Variants in TP53BP1 observed in about 807,000 individuals in gnomAD.
TP53BP1 encodes TP53-binding protein 1.
Under a neutral mutation model 200.8 loss-of-function variants are expected in TP53BP1, and 61 were observed. That is an observed-to-expected ratio of 0.30 (90% CI 0.25 to 0.38). The LOEUF is 0.38. Among genes scored for constraint, TP53BP1 ranks in the 10% least tolerant of loss-of-function variants. The pLI, the probability that TP53BP1 is intolerant of heterozygous loss-of-function variation, is 1.00. For missense variants in TP53BP1, 2,144 were observed against 2,371.9 expected (o/e 0.90, Z 2.00); for synonymous variants, 822 against 844.3 (o/e 0.97, Z 0.46).
chr15:43,477,569 G>GT (rs2078902485), intron 8 of TP53BP1, 24 bp downstream of exon 8: 1 of 1,586,650 alleles, frequency 6.3e-7, no homozygotes, highest in Non-Finnish European at 8.6e-7. Context: ...GAGAAGAGCT[G>GT]TAACGACAAA....
At chr15:43,480,836 A>T in intron 5 of TP53BP1, 59 bp downstream of exon 5, 1 of 1,588,512 alleles carries the variant, frequency 6.3e-7, no homozygotes, top group Non-Finnish European at 8.6e-7. Flanking sequence ...AGACATCTGC[A>T]CAATCATGTT....
chr15:43,420,947 C>A, intron 20 of TP53BP1, 78 bp downstream of exon 20: 1 of 1,532,572 alleles, frequency 6.5e-7, no homozygotes, highest in African/African-American at 1.4e-5. Context: ...TGACACCCCA[C>A]AAACTCTCTA....
intron 11 of TP53BP1, among the ~76,000 whole-genome samples, chr15:43,462,357 G>C (rs1439908627): frequency 6.6e-6 from 1 of 151,444 alleles, no homozygotes; most frequent in Non-Finnish European, 1.5e-5. Flanking sequence ...CCAGAGGGCA[G>C]TGGCACAATC....
intron 23 of TP53BP1, 64 bp from the exon 24 acceptor site, chr15:43,413,398 C>T: frequency 2.2e-6 from 3 of 1,368,670 alleles, no homozygotes; most frequent in Non-Finnish European, 3.0e-6. Context: ...AAAGCCTTAA[C>T]ACCAAAAGGC....
intron 1 of TP53BP1, among the ~76,000 whole-genome samples, chr15:43,492,807 G>A (rs950251045): frequency 7.8e-6 from 1 of 128,608 alleles, no homozygotes; most frequent in South Asian, 2.4e-4. Flanking sequence ...CCCCCCAAAA[G>A]AATGTTTTCT....
In TP53BP1 at chr15:43,404,436, C is replaced by A; in HGVS notation, c.*2947G>T. 6.2e-7 allele frequency: 1 copy of A among 1,614,180 alleles called. No homozygotes were observed. Among genetic ancestry groups the A allele is most frequent in the Non-Finnish European group, 8.5e-7 (1 of 1,180,034 alleles). ...AGGGCTTTAGCCGCCAGTCTTCACT[C>A]CTGTTCAAGATTCTCTCCAGTGTTC... On this transcript the variant is annotated 3_prime_UTR_variant, in exon 28 of 28. Coordinates refer to ENST00000382044, the MANE Select transcript of TP53BP1 (RefSeq NM_001141980.3).
chr15:43,491,629 T>C (rs1301485168), intron 4 of TP53BP1, 40 bp downstream of exon 4: 1 of 1,427,580 alleles, frequency 7.0e-7, no homozygotes, highest in African/African-American at 1.4e-5. Context: ...AGAACAAATC[T>C]GATAATACAT....
At position 43,456,111 on chromosome 15, in the gene TP53BP1, G is replaced by C. The variant is rs2143009902; in HGVS notation, c.2497C>G (p.Gln833Glu). 3 of 1,614,212 alleles carry C rather than the reference G, an allele frequency of 1.9e-6. No homozygotes were observed. Among genetic ancestry groups the C allele is most frequent in the Non-Finnish European group, 2.5e-6 (3 of 1,180,032 alleles). The change falls in exon 12 of 28, where the codon CAA becomes GAA. Residue 833 changes from glutamine to glutamate, a missense_variant. Physicochemically the swap from Gln to Glu is conservative, Grantham distance 29. Around this residue, in one of 4 missense-constraint regions of TP53BP1, gnomAD observed 1,700 missense variants for 1,710.3 expected, o/e 0.99. Coordinates refer to ENST00000382044, the MANE Select transcript of TP53BP1 (RefSeq NM_001141980.3). ...SGTAETEPVE[Q>E]DSSQPSLPLV... ...GGTAAGGAAGGCTGTGAAGAATCTT[G>C]CTCTACAGGTTCTGTTTCTGCAGTC...
At chr15:43,484,424 A>G (rs2079017456) in intron 4 of TP53BP1, among the ~76,000 whole-genome samples, 1 of 152,110 alleles carries the variant, frequency 6.6e-6, no homozygotes, top group Non-Finnish European at 1.5e-5. Context: ...TCCTGCTTTC[A>G]GTCTATTCTT....
chr15:43,415,414 G>A, intron 23 of TP53BP1, 180 bp downstream of exon 23: 2 of 723,298 alleles, frequency 2.8e-6, no homozygotes, highest in Admixed American at 4.0e-5. Flanking sequence ...AGTCTGTAGG[G>A]GATGGGGGAG....
intron 10 of TP53BP1, among the ~76,000 whole-genome samples, chr15:43,474,453 G>GAAAAAA (rs1288662866): frequency 3.3e-5 from 1 of 30,320 alleles, no homozygotes; most frequent in African/African-American, 3.5e-4. Context: ...AATGGGGTTA[G>GAAAAAA]ACAAAAAAAA....
rs1181012325 is a variant in TP53BP1 at position 43,442,213 on chromosome 15, G to A, written c.3041-630C>T. Among the ~76,000 whole-genome samples, 22 of 150,294 alleles carry A rather than the reference G, an allele frequency of 1.5e-4. No individual in the cohort carries two copies. In the Admixed American group the frequency reaches 1.5e-3, roughly 10 times the overall value. On this transcript the variant is annotated intron_variant, in intron 14 of 27. Transcript: ENST00000382044. The stretch of plus-strand genomic sequence containing the variant: ...CCATTCTCCTGCCTCAGCCTCCCCA[G>A]CAGCTGAAACTACAGGTGCCCGCCA...
intron 11 of TP53BP1, among the ~76,000 whole-genome samples, chr15:43,463,826 C>G (rs1275113455): frequency 6.6e-6 from 1 of 152,120 alleles, no homozygotes; most frequent in Admixed American, 6.6e-5. Flanking sequence ...ACAAGAGGCA[C>G]AGTTATCAGG....
intron 14 of TP53BP1, 60 bp downstream of exon 14, chr15:43,446,327 A>T: frequency 1.6e-6 from 2 of 1,275,390 alleles, no homozygotes; most frequent in Non-Finnish European, 2.3e-6. Context: ...ACTAGATTAT[A>T]ATCAATACTC....
At chr15:43,411,646 C>T (rs2045120027) in intron 24 of TP53BP1, among the ~76,000 whole-genome samples, 1 of 152,330 alleles carries the variant, frequency 6.6e-6, no homozygotes, top group Middle Eastern at 3.4e-3. Flanking sequence ...GGGCTGCGCC[C>T]AAGGATGAAG....
rs555514654 is a variant in TP53BP1, at chr15:43,415,638, C to T, written c.5045G>A (p.Arg1682Gln). The change falls in exon 23 of 28, where the codon CGG (arginine) becomes CAG (glutamine). Residue 1682 changes from arginine to glutamine, a missense_variant. Physicochemically the swap from Arg to Gln is conservative, Grantham distance 43. Coordinates refer to ENST00000382044, the MANE Select transcript of TP53BP1 (RefSeq NM_001141980.3). ...CTTGCGACCTCGCTTGGCAGGGGAC[C>T]GTTCCTCTTCAGAAGTGATAAGTTT... ...KRKLITSEEE[R>Q]SPAKRGRKSA... 2.0e-5 allele frequency: 33 copies of T among 1,614,060 alleles called. No individual in the cohort carries two copies. The highest frequency in any genetic ancestry group is 2.4e-5 in the Non-Finnish European group (28 of 1,180,046).
intron 11 of TP53BP1, among the ~76,000 whole-genome samples, chr15:43,461,227 T>A (rs1281960281): frequency 5.4e-5 from 7 of 129,456 alleles, no homozygotes; most frequent in African/African-American, 3.1e-4. Flanking sequence ...AATTTTATTT[T>A]ATTTTTTTTT....
At chr15:43,490,665 C>T (rs2079109197) in intron 4 of TP53BP1, among the ~76,000 whole-genome samples, 2 of 152,128 alleles carry the variant, frequency 1.3e-5, no homozygotes, top group Admixed American at 1.3e-4. Flanking sequence ...AATATTGGGG[C>T]GGAAGACTGA....
intron 1 of TP53BP1, among the ~76,000 whole-genome samples, chr15:43,509,405 G>A (rs982737847): frequency 6.6e-5 from 10 of 152,148 alleles, no homozygotes; most frequent in African/African-American, 2.2e-4. Flanking sequence ...CAGGATTGCT[G>A]TAAAGTTTTT....
Sources: gnomAD v4.1 joint callset for allele counts (sites outside exome capture counted in the v4.1 genomes callset) on GRCh38, gnomAD v4.1.1 for gene constraint, gnomAD v4.1.1 regional missense constraint, MANE v1.5 for transcripts, NCBI Gene and HGNC (gene_info 2026-07-23, HGNC 2026-07-21) for gene names.